Variants in PHACTR1 observed in about 807,000 individuals in gnomAD.
PHACTR1 encodes the protein phosphatase and actin regulator 1.
PHACTR1 carries 16 observed loss-of-function variants against 69.2 expected under a neutral mutation model. The ratio of observed to expected loss-of-function variants is 0.23; its 90% CI spans 0.16 to 0.35. The LOEUF (loss-of-function observed/expected upper bound fraction) is 0.35, where lower values mean the gene tolerates loss of function less well. Among genes scored for constraint, PHACTR1 ranks in the 10% least tolerant of loss-of-function variants. The probability of loss-of-function intolerance (pLI) is 1.00; values close to 1 mark genes in which losing one functional copy is unlikely to be tolerated. For missense variants in PHACTR1, 510 were observed against 734.7 expected (o/e 0.69, Z 3.54); for synonymous variants, 312 against 284.5 (o/e 1.10, Z -0.97).
chr6:13,170,091 C>A (rs1760370126), intron 6 of PHACTR1, among the ~76,000 whole-genome samples: 1 of 152,164 alleles, frequency 6.6e-6, no homozygotes, highest in Admixed American at 6.5e-5. Flanking sequence ...ATGGCTGCAG[C>A]AATTCCTACA....
chr6:12,842,294 G>A (rs1778775006), intron 4 of PHACTR1, among the ~76,000 whole-genome samples: 1 of 152,108 alleles, frequency 6.6e-6, no homozygotes, highest in Non-Finnish European at 1.5e-5. Flanking sequence ...ACTTCTCTCA[G>A]TGTGGCACAC....
At chr6:12,918,484 G>A (rs1011908265) in intron 4 of PHACTR1, among the ~76,000 whole-genome samples, 3 of 152,164 alleles carry the variant, frequency 2.0e-5, no homozygotes, top group Non-Finnish European at 2.9e-5. Flanking sequence ...ATTTATAATC[G>A]TGTTTGTTGA....
At chr6:12,965,711 G>T in intron 4 of PHACTR1, among the ~76,000 whole-genome samples, 1 of 152,276 alleles carries the variant, frequency 6.6e-6, no homozygotes, top group East Asian at 1.9e-4. Context: ...CCAAAGGTAC[G>T]TACAGGTGGG....
intron 4 of PHACTR1, among the ~76,000 whole-genome samples, chr6:12,940,414 T>G (rs191306249): frequency 3.3e-5 from 5 of 152,332 alleles, no homozygotes; most frequent in Admixed American, 3.3e-4. Context: ...TTACTTTTCT[T>G]TAGGGCAAAT....
intron 4 of PHACTR1, among the ~76,000 whole-genome samples, chr6:12,810,096 A>T (rs1774851762): frequency 6.6e-6 from 1 of 152,230 alleles, no homozygotes; most frequent in Admixed American, 6.5e-5. Context: ...TCTTATTCAC[A>T]TTCAGTTTTG....
intron 4 of PHACTR1, among the ~76,000 whole-genome samples, chr6:12,830,133 G>GAAAGAAAGAAAGAAAGAAAGAAAGAAAGA (rs1561923986): frequency 5.4e-4 from 77 of 143,462 alleles, no homozygotes; most frequent in Admixed American, 1.1e-3. Flanking sequence ...AAGAAAGAAA[G>GAAAGAAAGAAAGAAAGAAAGAAAGAAAGA]AAAGAAAGAA....
intron 5 of PHACTR1, among the ~76,000 whole-genome samples, chr6:13,095,628 G>A (rs1814072248): frequency 6.6e-6 from 1 of 152,076 alleles, no homozygotes; most frequent in Admixed American, 6.6e-5. Context: ...CTCACAGCTG[G>A]AAGGTCGTAC....
At chr6:13,092,203 C>T (rs1438584427) in intron 5 of PHACTR1, among the ~76,000 whole-genome samples, 1 of 152,212 alleles carries the variant, frequency 6.6e-6, no homozygotes, top group Non-Finnish European at 1.5e-5. Flanking sequence ...TGGCGCTTCA[C>T]TCAACTGCCA....
At chr6:12,827,254 C>T (rs145018782) in intron 4 of PHACTR1, among the ~76,000 whole-genome samples, 213 of 152,244 alleles carry the variant, frequency 1.4e-3, no homozygotes, top group Non-Finnish European at 2.6e-3. Flanking sequence ...AAGGCAAATT[C>T]GCTCAATTGT....
intron 4 of PHACTR1, among the ~76,000 whole-genome samples, chr6:12,844,359 C>G (rs558133800): frequency 6.6e-6 from 1 of 152,096 alleles, no homozygotes; most frequent in South Asian, 2.1e-4. Flanking sequence ...ATCACACCAC[C>G]GCACTCCATC....
intron 3 of PHACTR1, among the ~76,000 whole-genome samples, chr6:12,747,594 G>C (rs904969506): frequency 1.3e-5 from 2 of 152,026 alleles, no homozygotes; most frequent in African/African-American, 4.8e-5. Flanking sequence ...TGAGCCCAAG[G>C]AAGTCAGGAC....
At chr6:13,072,254 G>A (rs1013959588) in intron 5 of PHACTR1, among the ~76,000 whole-genome samples, 9 of 152,114 alleles carry the variant, frequency 5.9e-5, no homozygotes, top group African/African-American at 2.2e-4. Context: ...AATCCTAATC[G>A]TGGATACATT....
intron 9 of PHACTR1, among the ~76,000 whole-genome samples, chr6:13,228,888 G>A (rs531176396): frequency 2.0e-5 from 3 of 152,346 alleles, no homozygotes; most frequent in Admixed American, 2.0e-4. Context: ...TAAAACTAGT[G>A]GAGGAAGAAA....
intron 4 of PHACTR1, among the ~76,000 whole-genome samples, chr6:13,038,325 G>A (rs1803640118): frequency 6.6e-6 from 1 of 152,022 alleles, no homozygotes; most frequent in Admixed American, 6.6e-5. Flanking sequence ...ATCAATGGTA[G>A]TTAGAGCCAT....
rs117651639 is a variant in PHACTR1 at position 13,202,122 on chromosome 6, A to C, written c.665-3693A>C. ...AACAGTAAGAACAACCGTCTCCACT[A>C]ACTTGGTCCAGCTGGCCTTTTCTTC... On this transcript the variant is annotated intron_variant, in intron 7 of 14. Coordinates refer to ENST00000332995, the MANE Select transcript of PHACTR1 (RefSeq NM_030948.6). Among the ~76,000 whole-genome samples the C allele has an allele frequency of 3.0e-4, 46 of 152,330 alleles. No individual in the cohort carries two copies. The East Asian group carries it at 8.5e-3, about 28-fold the overall frequency.
At chr6:13,046,844 A>G (rs1242630885) in intron 4 of PHACTR1, among the ~76,000 whole-genome samples, 4 of 152,068 alleles carry the variant, frequency 2.6e-5, no homozygotes, top group African/African-American at 9.7e-5. Context: ...ACAACAAAAA[A>G]TCTTCTAGTT....
chr6:12,873,751 A>G (rs1252020325), intron 4 of PHACTR1, among the ~76,000 whole-genome samples: 1 of 152,230 alleles, frequency 6.6e-6, no homozygotes, highest in Non-Finnish European at 1.5e-5. Flanking sequence ...TACAAAGGCC[A>G]AAGAGTGTGA....
chr6:13,108,660 AT>A (rs1309444143), intron 5 of PHACTR1, among the ~76,000 whole-genome samples: 2 of 152,102 alleles, frequency 1.3e-5, no homozygotes, highest in Non-Finnish European at 2.9e-5. Context: ...TGACATTAAT[AT>A]AGCATTCCAG....
intron 3 of PHACTR1, among the ~76,000 whole-genome samples, chr6:12,739,479 C>T (rs6936147): frequency 0.034 from 5,125 of 151,992 alleles, 286 homozygotes; most frequent in African/African-American, 0.11. Context: ...ATCTTAAATG[C>T]GGTAATTCTC....
Sources: gnomAD v4.1 joint callset for allele counts (sites outside exome capture counted in the v4.1 genomes callset) on GRCh38, gnomAD v4.1.1 for gene constraint, MANE v1.5 for transcripts, NCBI Gene and HGNC (gene_info 2026-07-23, HGNC 2026-07-21) for gene names.